IRAG2: variants seen among roughly 807,000 people sequenced by gnomAD.
IRAG2 encodes lymphoid restricted membrane protein.
A neutral mutation model predicts 69.9 loss-of-function variants in IRAG2; 45 were observed. That is an observed-to-expected ratio of 0.64 (90% CI 0.51 to 0.83). The LOEUF (loss-of-function observed/expected upper bound fraction) is 0.83. Among genes scored for constraint, IRAG2 ranks in the 40% least tolerant of loss-of-function variants. The probability of loss-of-function intolerance (pLI) is 0.00; values close to 1 mark genes in which losing one functional copy is unlikely to be tolerated. For synonymous variants in IRAG2, 193 were observed against 202.4 expected (o/e 0.95, Z 0.40); for missense variants, 520 against 587.0 (o/e 0.89, Z 1.18).
At chr12:25,025,083 C>T (rs905138855) in intron 8 of IRAG2, among the ~76,000 whole-genome samples, 2 of 152,148 alleles carry the variant, frequency 1.3e-5, no homozygotes, top group Non-Finnish European at 2.9e-5. Context: ...TTTGTTCATT[C>T]AACACGTATT....
At chr12:25,038,723 T>C (rs1487052997) in intron 16 of IRAG2, among the ~76,000 whole-genome samples, 1 of 152,046 alleles carries the variant, frequency 6.6e-6, no homozygotes, top group African/African-American at 2.4e-5. Flanking sequence ...CAAAATATAA[T>C]CTTTTACCAG....
chr12:25,051,729 C>T (rs746321091), upstream of IRAG2, among the ~76,000 whole-genome samples: 2 of 152,196 alleles, frequency 1.3e-5, no homozygotes, highest in Non-Finnish European at 2.9e-5. Flanking sequence ...CCTTCCTGTG[C>T]TCGTGGCACG....
chr12:25,106,058 CTAATT>C (rs1949078572), intron 20 of IRAG2, among the ~76,000 whole-genome samples: 1 of 150,740 alleles, frequency 6.6e-6, no homozygotes, highest in Admixed American at 6.6e-5. Flanking sequence ...TCACTGAATA[CTAATT>C]TATTTTAACC....
Position 25,089,754 on chromosome 12 carries a change from A to G in IRAG2, c.438-9A>G. On this transcript the variant is annotated splice_polypyrimidine_tract_variant and intron_variant, in intron 12 of 21. Transcript: ENST00000556887. ...TATGTTTAAATATGTTTTTTGTCTTATCCTACAGCACTTCTGCTAATGAGA... is the reference window on the plus strand; with the variant it reads ...TATGTTTAAATATGTTTTTTGTCTTGTCCTACAGCACTTCTGCTAATGAGA... The G allele has an allele frequency of 6.2e-7, 1 of 1,613,322 alleles. No homozygotes were observed. The highest frequency in any genetic ancestry group is 1.3e-5 in the African/African-American group (1 of 75,010).
intron 13 of IRAG2, chr12:25,034,066 G>A (rs1232859430): frequency 2.5e-6 from 1 of 395,464 alleles, no homozygotes; most frequent in African/African-American, 2.1e-5. Flanking sequence ...AGAATGTGCT[G>A]ATAGTTCTTA....
intron 6 of IRAG2, among the ~76,000 whole-genome samples, chr12:25,072,826 A>C (rs1946421676): frequency 6.6e-6 from 1 of 152,244 alleles, no homozygotes; most frequent in African/African-American, 2.4e-5. Context: ...TACGTCAGCC[A>C]AACCAGGTAG....
chr12:25,106,081 T>C (rs1352216675), intron 20 of IRAG2, among the ~76,000 whole-genome samples: 1 of 152,126 alleles, frequency 6.6e-6, no homozygotes, highest in Non-Finnish European at 1.5e-5. Context: ...ACCAGTTTTA[T>C]ACTGAGAATA....
intron 3 of IRAG2, among the ~76,000 whole-genome samples, chr12:25,012,399 C>T (rs975315516): frequency 2.6e-5 from 4 of 151,656 alleles, no homozygotes; most frequent in Non-Finnish European, 5.9e-5. Flanking sequence ...AGCTGATCTG[C>T]CCACCTCGGC....
chr12:25,066,672 T>G (rs577410710), intron 5 of IRAG2, among the ~76,000 whole-genome samples, 160 bp downstream of exon 5: 2 of 151,962 alleles, frequency 1.3e-5, no homozygotes, highest in East Asian at 3.9e-4. Context: ...TTTCTTTTTT[T>G]TTTTTTTTGA....
chr12:25,037,932 A>C (rs1944714712), intron 15 of IRAG2: 1 of 398,490 alleles, frequency 2.5e-6, no homozygotes, highest in Admixed American at 4.4e-5. Context: ...GTCCGTGTTT[A>C]ACATTGGAGT....
At position 25,046,539 on chromosome 12, in the gene IRAG2, A is replaced by C. The variant is rs148917918; in HGVS notation, c.2145-5696A>C. Among the ~76,000 whole-genome samples the C allele has an allele frequency of 1.4e-4, 22 of 152,332 alleles. 1 individual carries two copies. In the East Asian group the frequency reaches 4.0e-3, roughly 28 times the overall value. Reference sequence around the variant, plus strand: ...ATACCATAATAAATTTCGTTTATATATGAGCAACATTGAACCATCTGAAAA... The same window carrying C: ...ATACCATAATAAATTTCGTTTATATCTGAGCAACATTGAACCATCTGAAAA... On this transcript the variant is annotated intron_variant, in intron 16 of 38. Transcript: ENST00000636465.
At chr12:25,009,245 GCAATGAGCTATGATCATGC>G (rs1232236021) in intron 2 of IRAG2, among the ~76,000 whole-genome samples, 16 of 152,364 alleles carry the variant, frequency 1.1e-4, no homozygotes, top group Non-Finnish European at 1.5e-4. Context: ...GGCTGAGGCT[GCAATGAGCTATGATCATGC>G]CAATGCATTC....
chr12:25,089,817 T>C (rs1162390593), intron 13 of IRAG2, 27 bp downstream of exon 13: 1 of 1,610,984 alleles, frequency 6.2e-7, no homozygotes, highest in Admixed American at 1.7e-5. Context: ...TTTTTTTTCC[T>C]TTTAAAAAAG....
chr12:25,015,156 T>G (rs1944515259), intron 3 of IRAG2: 8 of 255,394 alleles, frequency 3.1e-5, no homozygotes, highest in Admixed American at 3.6e-4. Flanking sequence ...ACTGGTTTTG[T>G]TTTTTTTTTT....
chr12:25,008,609 C>T lies in IRAG2; in HGVS notation c.689-2735C>T, dbSNP rs140401202. Among the ~76,000 whole-genome samples, 1,310 of 152,242 alleles carry T rather than the reference C, an allele frequency of 8.6e-3. 9 individuals are homozygous for T. The highest frequency in any genetic ancestry group is 0.015 in the Non-Finnish European group (996 of 68,014). On this transcript the variant is annotated intron_variant, in intron 2 of 38. Transcript: ENST00000636465. ...TAAAAATTACCCAGGCGTGGTGGCA[C>T]ACACTTGTAATCCCAGCTACTAGGG...
At position 25,077,266 on chromosome 12, in the gene IRAG2, A is replaced by AATATATATATGAAATATATATG; in HGVS notation, c.25-1970_25-1969insATGAAATATATATGATATATAT. 6.1e-5 allele frequency among the ~76,000 whole-genome samples: 2 copies of AATATATATATGAAATATATATG among 32,854 alleles called. 1 individual carries two copies. Among genetic ancestry groups the AATATATATATGAAATATATATG allele is most frequent in the South Asian group, 2.1e-3 (2 of 944 alleles). 21.6% of individuals were successfully genotyped at this position (32,854 alleles called of 152,430 possible). A position where few individuals can be genotyped will look rare whatever the true frequency, so the allele number is the denominator to read the frequency against. On this transcript the variant is annotated intron_variant, in intron 6 of 21. Coordinates refer to ENST00000556887, the MANE Select transcript of IRAG2 (RefSeq NM_001366544.2). ...AAATATATATATGATATATATATGA[A>AATATATATATGAAATATATATG]ATATATATGAAATATATATGATATA...
intron 4 of IRAG2, among the ~76,000 whole-genome samples, 178 bp from the exon 5 acceptor site, chr12:25,066,187 T>G (rs920358933): frequency 6.6e-6 from 1 of 152,110 alleles, no homozygotes; most frequent in Non-Finnish European, 1.5e-5. Context: ...TTGTTAAAAT[T>G]AAGCATTTGA....
At chr12:25,000,833 G>A (rs1397169478), upstream of IRAG2, among the ~76,000 whole-genome samples, 1 of 152,192 alleles carries the variant, frequency 6.6e-6, no homozygotes, top group East Asian at 1.9e-4. Flanking sequence ...TTCACTTTCA[G>A]TTCTTAATTT....
intron 16 of IRAG2, among the ~76,000 whole-genome samples, chr12:25,044,219 A>G (rs2139864686): frequency 6.6e-6 from 1 of 152,250 alleles, no homozygotes; most frequent in East Asian, 1.9e-4. Flanking sequence ...AGACTATTAT[A>G]AGATGTTTTA....
Sources: allele counts gnomAD v4.1 joint callset (sites outside exome capture counted in the v4.1 genomes callset), GRCh38; gene constraint gnomAD v4.1.1; transcripts MANE v1.5; gene names NCBI Gene and HGNC (gene_info 2026-07-23, HGNC 2026-07-21).